The following GRIN3A variants were observed in gnomAD, a reference collection of about 807,000 sequenced individuals.
GRIN3A encodes the protein glutamate receptor ionotropic, NMDA 3A.
GRIN3A carries 47 observed loss-of-function variants against 92.4 expected under a neutral mutation model. That is an observed-to-expected ratio of 0.51 (90% CI 0.40 to 0.65). The LOEUF (loss-of-function observed/expected upper bound fraction) is 0.65, where lower values mean the gene tolerates loss of function less well. GRIN3A is among the 30% of genes least tolerant of loss of function. The probability of loss-of-function intolerance (pLI) is 0.00; values close to 1 mark genes in which losing one functional copy is unlikely to be tolerated. For missense variants in GRIN3A, 1,324 were observed against 1,393.1 expected, an observed-to-expected ratio of 0.95 and a Z score of 0.79; for synonymous variants, 527 against 540.6, an observed-to-expected ratio of 0.97 and a Z score of 0.35.
intron 6 of GRIN3A, chr9:101,594,776 A>G (rs1466578003): frequency 3.1e-6 from 5 of 1,613,908 alleles, no homozygotes; most frequent in East Asian, 4.5e-5. Context: ...GTTGTGGCGC[A>G]GCTCCGGCAG....
At chr9:101,631,523 C>T (rs1266638916) in intron 3 of GRIN3A, among the ~76,000 whole-genome samples, 7 of 152,164 alleles carry the variant, frequency 4.6e-5, no homozygotes, top group African/African-American at 1.4e-4. Context: ...TTCTGGGTCT[C>T]ATTTTCTTTT....
chr9:101,683,098 G>T (rs1013314611), intron 2 of GRIN3A, among the ~76,000 whole-genome samples: 1 of 152,222 alleles, frequency 6.6e-6, no homozygotes, highest in Admixed American at 6.5e-5. Context: ...ATGGACATTT[G>T]CTCTGGCATG....
intron 4 of GRIN3A, among the ~76,000 whole-genome samples, chr9:101,623,729 C>T (rs142394965): frequency 3.3e-5 from 5 of 152,336 alleles, no homozygotes; most frequent in Admixed American, 2.0e-4. Context: ...GAATAGGAAG[C>T]GCATAGAGAA....
intron 1 of GRIN3A, among the ~76,000 whole-genome samples, chr9:101,691,881 G>A (rs1829624944): frequency 6.6e-6 from 1 of 152,184 alleles, no homozygotes. Context: ...CCTTTTGTAA[G>A]TCATTTAGTA....
intron 5 of GRIN3A, among the ~76,000 whole-genome samples, chr9:101,617,165 A>T (rs2118856356): frequency 6.9e-6 from 1 of 145,402 alleles, no homozygotes; most frequent in Admixed American, 6.9e-5. Flanking sequence ...GCGCCACTGC[A>T]GTCCGCAGTC....
At chr9:101,674,255 T>C (rs2118957622) in intron 2 of GRIN3A, among the ~76,000 whole-genome samples, 1 of 152,208 alleles carries the variant, frequency 6.6e-6, no homozygotes, top group Non-Finnish European at 1.5e-5. Flanking sequence ...GATTTAATTT[T>C]ACAATGATTT....
intron 6 of GRIN3A, chr9:101,594,297 A>G (rs1010400037): frequency 4.3e-6 from 6 of 1,387,022 alleles, no homozygotes; most frequent in Non-Finnish European, 5.8e-6. Flanking sequence ...ATGGCTTCAC[A>G]AAAAGAAATA....
chr9:101,620,537 G>A (rs1828536175), intron 5 of GRIN3A, among the ~76,000 whole-genome samples: 2 of 152,100 alleles, frequency 1.3e-5, no homozygotes, highest in Admixed American at 1.3e-4. Flanking sequence ...ATTGCACTCT[G>A]TTTTCTCTCC....
intron 6 of GRIN3A, chr9:101,594,755 C>A: frequency 6.2e-7 from 1 of 1,614,120 alleles, no homozygotes; most frequent in Non-Finnish European, 8.5e-7. Context: ...GATCACTCGC[C>A]GCACCAACGG....
intron 2 of GRIN3A, among the ~76,000 whole-genome samples, chr9:101,685,595 C>T (rs1452230654): frequency 6.6e-6 from 1 of 151,880 alleles, no homozygotes; most frequent in East Asian, 1.9e-4. Context: ...CGGGAATCAC[C>T]AAAACCATTT....
At chr9:101,672,790 C>T (rs1829346218) in intron 2 of GRIN3A, among the ~76,000 whole-genome samples, 1 of 152,100 alleles carries the variant, frequency 6.6e-6, no homozygotes, top group East Asian at 1.9e-4. Flanking sequence ...CATGTTAGTA[C>T]TCCCCAGTGG....
At chr9:101,681,390 C>G (rs1332517111) in intron 2 of GRIN3A, among the ~76,000 whole-genome samples, 1 of 152,150 alleles carries the variant, frequency 6.6e-6, no homozygotes, top group Non-Finnish European at 1.5e-5. Flanking sequence ...AGTTGACATC[C>G]GCTCTGCATA....
intron 1 of GRIN3A, among the ~76,000 whole-genome samples, chr9:101,715,740 T>C (rs1486384839): frequency 1.3e-5 from 2 of 152,144 alleles, no homozygotes; most frequent in African/African-American, 4.8e-5. Context: ...ATTCATTCAT[T>C]CCTTAACAAA....
intron 6 of GRIN3A, among the ~76,000 whole-genome samples, chr9:101,583,620 G>T (rs1031411940): frequency 7.9e-5 from 12 of 152,184 alleles, no homozygotes; most frequent in Non-Finnish European, 1.3e-4. Flanking sequence ...AATGATAATT[G>T]CAGCTGCAAG....
At chr9:101,654,143 CTTAA>C (rs1414337852) in intron 3 of GRIN3A, among the ~76,000 whole-genome samples, 2 of 151,444 alleles carry the variant, frequency 1.3e-5, no homozygotes, top group Non-Finnish European at 3.0e-5. Context: ...ATTTTGTCAT[CTTAA>C]TTAGTTACCT....
intron 8 of GRIN3A, among the ~76,000 whole-genome samples, chr9:101,575,468 A>G (rs1827813973): frequency 6.6e-6 from 1 of 152,196 alleles, no homozygotes; most frequent in African/African-American, 2.4e-5. Context: ...GGTGACATGT[A>G]TTGATTGGGA....
intron 1 of GRIN3A, among the ~76,000 whole-genome samples, chr9:101,720,039 T>C (rs771373278): frequency 6.6e-6 from 1 of 152,074 alleles, no homozygotes; most frequent in Admixed American, 6.5e-5. Context: ...ACTTTTTAAG[T>C]CCCCGTTTGG....
chr9:101,623,437 T>A lies in GRIN3A; in HGVS notation c.2499-4A>T. The A allele has an allele frequency of 6.5e-7, 1 of 1,550,224 alleles. No homozygotes were observed. Among genetic ancestry groups the A allele is most frequent in the East Asian group, 2.2e-5 (1 of 44,552 alleles). On this transcript the variant is annotated splice_region_variant and splice_polypyrimidine_tract_variant and intron_variant, in intron 4 of 8. Coordinates refer to ENST00000361820, the MANE Select transcript of GRIN3A (RefSeq NM_133445.3). ...GTCTAGTTTCTCTGGATCATTCCTA[T>A]ATTTAAGACCAGAGGAGAAAAGTGA...
chr9:101,680,009 A>G (rs865884558), intron 2 of GRIN3A, among the ~76,000 whole-genome samples: 51 of 152,374 alleles, frequency 3.3e-4, no homozygotes, highest in African/African-American at 1.2e-3. Flanking sequence ...GAAGGCTTAT[A>G]CTAATTCTGA....
Sources: gnomAD v4.1 joint callset for allele counts (sites outside exome capture counted in the v4.1 genomes callset) on GRCh38, gnomAD v4.1.1 for gene constraint, MANE v1.5 for transcripts, NCBI Gene and HGNC (gene_info 2026-07-23, HGNC 2026-07-21) for gene names.